Variants in CCDC15 observed in about 807,000 individuals in gnomAD.
The protein encoded by CCDC15 is coiled-coil domain-containing protein 15.
Under a neutral mutation model 114.5 loss-of-function variants are expected in CCDC15, and 105 were observed. The ratio of observed to expected loss-of-function variants is 0.92; its 90% CI spans 0.78 to 1.08. CCDC15 has a LOEUF of 1.08. Ranked by LOEUF, CCDC15 falls within the 50% of genes least tolerant of loss-of-function variation. The pLI is 0.00. For missense variants in CCDC15, 1,105 were observed against 1,093.6 expected, an observed-to-expected ratio of 1.01 and a Z score of -0.15; for synonymous variants, 334 against 377.8, an observed-to-expected ratio of 0.88 and a Z score of 1.34.
intron 8 of CCDC15, 76 bp from the exon 9 acceptor site, chr11:124,991,385 A>G (rs113920345): frequency 3.2e-5 from 33 of 1,037,840 alleles, no homozygotes; most frequent in African/African-American, 1.9e-4. Flanking sequence ...TTGGCCTTCA[A>G]TGAAGCCTAG....
chr11:124,954,597 C>T, intron 1 of CCDC15, 127 bp from the exon 2 acceptor site: 1 of 678,304 alleles, frequency 1.5e-6, no homozygotes, highest in Non-Finnish European at 2.5e-6. Context: ...CGTGTGTTTC[C>T]ACTTCATGCC....
chr11:125,039,990 G>T (rs1948804631), intron 15 of CCDC15, among the ~76,000 whole-genome samples: 1 of 151,772 alleles, frequency 6.6e-6, no homozygotes, highest in African/African-American at 2.4e-5. Context: ...AGGTAGTTGT[G>T]CATTCATTCC....
intron 13 of CCDC15, among the ~76,000 whole-genome samples, chr11:125,024,106 G>C (rs1316434519): frequency 6.6e-6 from 1 of 151,976 alleles, no homozygotes; most frequent in East Asian, 1.9e-4. Context: ...TCATATATAT[G>C]TGTGTTTATA....
intron 11 of CCDC15, among the ~76,000 whole-genome samples, chr11:124,996,552 C>A (rs1416442682): frequency 6.6e-6 from 1 of 152,098 alleles, no homozygotes; most frequent in Non-Finnish European, 1.5e-5. Context: ...AATATACATA[C>A]CGTAAAATTT....
At chr11:125,006,866 T>C (rs1948555818) in intron 13 of CCDC15, among the ~76,000 whole-genome samples, 1 of 152,242 alleles carries the variant, frequency 6.6e-6, no homozygotes, top group Non-Finnish European at 1.5e-5. Flanking sequence ...TGGTTCTCTG[T>C]TCTGTTCCAT....
chr11:125,013,610 G>C (rs916803208), intron 13 of CCDC15, among the ~76,000 whole-genome samples: 3 of 152,074 alleles, frequency 2.0e-5, no homozygotes, highest in Non-Finnish European at 4.4e-5. Context: ...GATGGGTTTG[G>C]TCAAGGGTAT....
chr11:124,997,929 C>A (rs1591599978), intron 11 of CCDC15, among the ~76,000 whole-genome samples: 2 of 152,098 alleles, frequency 1.3e-5, no homozygotes, highest in Non-Finnish European at 2.9e-5. Flanking sequence ...GTGACAAGAG[C>A]AAAACTCTGT....
rs1947506564 is a variant in CCDC15 at position 124,954,248 on chromosome 11, T to A, written c.-132T>A. On this transcript the variant is annotated 5_prime_UTR_variant, in exon 1 of 16. Coordinates refer to ENST00000344762, the MANE Select transcript of CCDC15 (RefSeq NM_025004.3). ...GCGGGCCGATTCCTGGCCAGTGCCA[T>A]CTCAGCCGGAGCAGGCCTCGGGGCC... 6.4e-6 allele frequency: 1 copy of A among 157,344 alleles called. No homozygotes were observed. The highest frequency in any genetic ancestry group is 1.4e-5 in the Non-Finnish European group (1 of 70,928). The allele number at this position is 157,344 out of a possible 1,614,324, so 9.7% of individuals were successfully genotyped here. A position where few individuals can be genotyped will look rare whatever the true frequency, so the allele number is the denominator to read the frequency against.
intron 13 of CCDC15, among the ~76,000 whole-genome samples, chr11:125,009,607 A>G (rs186425363): frequency 5.5e-4 from 83 of 151,964 alleles, no homozygotes; most frequent in African/African-American, 1.8e-3. Context: ...TGTCACTCAG[A>G]TAGTAAGTAT....
In CCDC15 at chr11:124,987,500, A is replaced by G. The variant is rs75943178; in HGVS notation, c.1274A>G (p.Asp425Gly). The G allele has an allele frequency of 6.2e-7, 1 of 1,614,044 alleles. No individual in the cohort carries two copies. Among genetic ancestry groups the G allele is most frequent in the East Asian group, 2.2e-5 (1 of 44,892 alleles). Residue 425 changes from aspartate (D) to glycine (G), a missense_variant, in exon 8 of 16, where the codon GAT (aspartate) becomes GGT (glycine). Coordinates refer to ENST00000344762, the MANE Select transcript of CCDC15 (RefSeq NM_025004.3). Reference protein sequence around the residue: ...TNQALLTKNQDVLLKDHCVLP... With the variant: ...TNQALLTKNQGVLLKDHCVLP... ...CAGGCTCTTCTAACGAAAAACCAGG[A>G]TGTTTTACTCAAAGACCACTGTGTT...
chr11:124,993,270 T>G, intron 11 of CCDC15, 27 bp downstream of exon 11: 17 of 1,419,594 alleles, frequency 1.2e-5, no homozygotes, highest in Non-Finnish European at 1.5e-5. Flanking sequence ...ATTCAAGATC[T>G]AGTCTCTTCT....
rs1555068459 is a variant in CCDC15, at chr11:124,986,691, T to TGTGTGTGTGTGTGTGTGTGTG, written c.754-51_754-50insGTGTGTGTGTGTGTGTGTGTG. Reference sequence around the variant, plus strand: ...GCTGTGTGTGTGTGTGTGTGTGTGTTTGTGTGTGTGCGCGCGCGCGCGTGC... The same window carrying TGTGTGTGTGTGTGTGTGTGTG: ...GCTGTGTGTGTGTGTGTGTGTGTGTTGTGTGTGTGTGTGTGTGTGTGTGTGTGTGTGCGCGCGCGCGCGTGC... On this transcript the variant is annotated intron_variant, in intron 6 of 15. Transcript: ENST00000344762. 2.0e-5 allele frequency: 25 copies of TGTGTGTGTGTGTGTGTGTGTG among 1,223,084 alleles called. No individual in the cohort carries two copies. The African/African-American group carries it at 4.2e-4, about 21-fold the overall frequency. The allele number at this position is 1,223,084 out of a possible 1,614,324, so 75.8% of individuals were successfully genotyped here. A position where few individuals can be genotyped will look rare whatever the true frequency, so the allele number is the denominator to read the frequency against.
chr11:125,018,809 G>A (rs1948644563), intron 13 of CCDC15, among the ~76,000 whole-genome samples: 1 of 152,004 alleles, frequency 6.6e-6, no homozygotes, highest in Non-Finnish European at 1.5e-5. Flanking sequence ...CTGTTTTAAA[G>A]CCAAAGTTGG....
chr11:125,018,011 G>A (rs528136145), intron 13 of CCDC15, among the ~76,000 whole-genome samples: 39 of 152,140 alleles, frequency 2.6e-4, no homozygotes, highest in African/African-American at 8.9e-4. Flanking sequence ...GTAAGCTGAG[G>A]TTAATTTATT....
At chr11:125,040,018 G>A (rs1207865042) in intron 15 of CCDC15, among the ~76,000 whole-genome samples, 1 of 151,690 alleles carries the variant, frequency 6.6e-6, no homozygotes, top group Non-Finnish European at 1.5e-5. Flanking sequence ...ATTCTATGAT[G>A]ACATTTGTTG....
At chr11:124,972,709 AG>A (rs532224086) in intron 4 of CCDC15, among the ~76,000 whole-genome samples, 2 of 152,138 alleles carry the variant, frequency 1.3e-5, no homozygotes, top group South Asian at 4.1e-4. Context: ...CTCCATCCTC[AG>A]GTTCTAGGGG....
intron 11 of CCDC15, among the ~76,000 whole-genome samples, chr11:125,002,179 G>A (rs1220927539): frequency 6.6e-6 from 1 of 152,042 alleles, no homozygotes; most frequent in Non-Finnish European, 1.5e-5. Flanking sequence ...CTTTTCATGT[G>A]CTTACTGACC....
In CCDC15 at chr11:124,976,101, T is replaced by G. The variant is rs561107177; in HGVS notation, c.630+892T>G. Among the ~76,000 whole-genome samples the G allele has an allele frequency of 3.5e-3, 524 of 151,582 alleles. 2 individuals carry two copies. Among genetic ancestry groups the G allele is most frequent in the African/African-American group, 0.012 (497 of 41,440 alleles). On this transcript the variant is annotated intron_variant, in intron 5 of 15. Transcript: ENST00000344762. ...TTAATTTATTTTTTAATAAATTATG[T>G]TTTTTTGCCAATAAATATGTTATTT...
intron 2 of CCDC15, among the ~76,000 whole-genome samples, chr11:124,956,447 A>G (rs1251425653): frequency 1.3e-5 from 2 of 152,078 alleles, no homozygotes; most frequent in Non-Finnish European, 2.9e-5. Flanking sequence ...TCTCTGGAAA[A>G]AAAAAAGGAG....
Sources: gnomAD v4.1 joint callset for allele counts (sites outside exome capture counted in the v4.1 genomes callset) on GRCh38, gnomAD v4.1.1 for gene constraint, MANE v1.5 for transcripts, NCBI Gene and HGNC (gene_info 2026-07-23, HGNC 2026-07-21) for gene names.